The following ZNF367 variants were observed in gnomAD, a reference collection of about 807,000 sequenced individuals.
ZNF367 encodes C2H2 zinc finger protein ZFF29.
In ZNF367, 11 loss-of-function variants were observed where a neutral mutation model predicts 31.8. The observed-to-expected ratio is 0.35, with a 90% CI of 0.22 to 0.57. The LOEUF is 0.57. Ranked by LOEUF, ZNF367 falls within the 20% of genes least tolerant of loss-of-function variation. The pLI is 0.85. For missense variants in ZNF367, 353 were observed against 484.1 expected, an observed-to-expected ratio of 0.73 and a Z score of 2.54; for synonymous variants, 199 against 202.4, an observed-to-expected ratio of 0.98 and a Z score of 0.14.
chr9:96,406,500 C>G (rs1831673029), intron 1 of ZNF367, among the ~76,000 whole-genome samples: 1 of 152,152 alleles, frequency 6.6e-6, no homozygotes, highest in Admixed American at 6.5e-5. Flanking sequence ...CATGAATATT[C>G]AAATTAGTTG....
Position 96,417,666 on chromosome 9 carries a change from AGGC to A in ZNF367, c.364_366del (p.Ala122del). ...GCTTCCTCCTCGTCCTCACCTCCCG[AGGC>A]GGCGGCGGAGGCCGAGGCGGCGGGC... On this transcript the variant is annotated inframe_deletion, in exon 1 of 5. Coordinates refer to ENST00000375256, the MANE Select transcript of ZNF367 (RefSeq NM_153695.4). This position sits in a 1 kb window ranked among gnomAD's most constrained non-coding sequence, Gnocchi z 5.0. 2.9e-6 allele frequency: 3 copies of A among 1,020,370 alleles called. No homozygotes were observed. Among genetic ancestry groups the A allele is most frequent in the Non-Finnish European group, 3.7e-6 (3 of 803,638 alleles). 63.2% of individuals were successfully genotyped at this position (1,020,370 alleles called of 1,614,324 possible). A position where few individuals can be genotyped will look rare whatever the true frequency, so the allele number is the denominator to read the frequency against.
intron 1 of ZNF367, among the ~76,000 whole-genome samples, chr9:96,416,469 ATTAT>A (rs769314025): frequency 1.3e-4 from 20 of 152,206 alleles, no homozygotes; most frequent in Non-Finnish European, 2.6e-4. Context: ...TAACCTTATA[ATTAT>A]TTAATAATAA....
Position 96,388,811 on chromosome 9 carries a change from T to C in ZNF367, c.831-352A>G, listed in dbSNP as rs192790798. ...ACAGTCTTTAGAAACTTATTTATCCTATCTACAGAGGGATGGTAACTTCTG... is the reference window on the plus strand; with the variant it reads ...ACAGTCTTTAGAAACTTATTTATCCCATCTACAGAGGGATGGTAACTTCTG... On this transcript the variant is annotated intron_variant, in intron 4 of 4. Transcript: ENST00000375256. Among the ~76,000 whole-genome samples, 44 of 152,354 alleles carry C rather than the reference T, an allele frequency of 2.9e-4. No homozygotes were observed. The East Asian group carries it at 7.9e-3, about 27-fold the overall frequency.
In ZNF367 at chr9:96,417,574, G is replaced by GC; in HGVS notation, c.420+38dup. The GC allele has an allele frequency of 2.6e-6, 1 of 377,548 alleles. No homozygotes were observed. The highest frequency in any genetic ancestry group is 4.5e-6 in the Non-Finnish European group (1 of 223,636). The allele number at this position is 377,548 out of a possible 1,614,324, so 23.4% of individuals were successfully genotyped here. On this transcript the variant is annotated intron_variant, in intron 1 of 4. Transcript: ENST00000375256. This position sits in a 1 kb window ranked among gnomAD's most constrained non-coding sequence, Gnocchi z 5.0. ...GCCGCACCGTTAACGGGCCCCGGCT[G>GC]CCCCACGTCCCGCCCGCCCGCCCGC... is the stretch of plus-strand genomic sequence containing the variant.
At chr9:96,399,135 T>C (rs911649691) in intron 1 of ZNF367, among the ~76,000 whole-genome samples, 1 of 152,232 alleles carries the variant, frequency 6.6e-6, no homozygotes, top group South Asian at 2.1e-4. Context: ...TAGAAAGTCA[T>C]GCATATATGC....
intron 1 of ZNF367, among the ~76,000 whole-genome samples, chr9:96,408,218 A>G (rs1831697396): frequency 6.6e-6 from 1 of 152,050 alleles, no homozygotes; most frequent in African/African-American, 2.4e-5. Context: ...TAATAAATAA[A>G]TAAATAATAA....
intron 1 of ZNF367, chr9:96,407,189 C>A (rs1172756466): frequency 7.2e-6 from 5 of 694,394 alleles, no homozygotes; most frequent in African/African-American, 5.4e-5. Flanking sequence ...CCTGTCCCGG[C>A]CTGCGTGGCG....
intron 4 of ZNF367, among the ~76,000 whole-genome samples, chr9:96,389,069 A>G (rs1045417000): frequency 2.0e-5 from 3 of 152,162 alleles, no homozygotes; most frequent in Non-Finnish European, 4.4e-5. Flanking sequence ...GAGGCAAGGC[A>G]GGCAGATCAC....
chr9:96,393,900 T>A (rs965319872), intron 3 of ZNF367, among the ~76,000 whole-genome samples: 1 of 152,222 alleles, frequency 6.6e-6, no homozygotes, highest in African/African-American at 2.4e-5. Context: ...TTAAGCAAAC[T>A]TGCTGGATGA....
At chr9:96,406,976 T>G (rs1242261099) in intron 1 of ZNF367, among the ~76,000 whole-genome samples, 1 of 118,914 alleles carries the variant, frequency 8.4e-6, no homozygotes, top group Non-Finnish European at 1.6e-5. Flanking sequence ...CACTCCAGCC[T>G]GGGTGACAGA....
At chr9:96,416,935 G>A (rs927900428) in intron 1 of ZNF367, among the ~76,000 whole-genome samples, 17 of 152,100 alleles carry the variant, frequency 1.1e-4, no homozygotes, top group African/African-American at 4.1e-4. Flanking sequence ...TGCCATCGTG[G>A]GAAGGTCGCC....
rs1831416161 is a variant in ZNF367, at chr9:96,387,184, ATAGC to A, written c.*1049_*1052del. The A allele has an allele frequency of 6.6e-6, 1 of 152,218 alleles. No individual in the cohort carries two copies. Among genetic ancestry groups the A allele is most frequent in the Non-Finnish European group, 1.5e-5 (1 of 68,020 alleles). 9.4% of individuals were successfully genotyped at this position (152,218 alleles called of 1,614,324 possible). On this transcript the variant is annotated 3_prime_UTR_variant, in exon 5 of 5. Transcript: ENST00000375256. ...TAATATTTTCTGCAGTGTTTAACTG[ATAGC>A]TAAATTTAGTGAACACAAAATAGCT...
Position 96,417,835 on chromosome 9 carries a change from G to A in ZNF367, c.198C>T (p.Phe66=), listed in dbSNP as rs746257910. Residue 66 remains phenylalanine, a synonymous_variant, in exon 1 of 5, where the codon TTC becomes TTT. Coordinates refer to ENST00000375256, the MANE Select transcript of ZNF367 (RefSeq NM_153695.4). The surrounding 1 kb of genome is among the most constrained non-coding windows in gnomAD (Gnocchi z 5.0). Reference sequence around the variant, plus strand: ...CGCCCCAGCGCCACGGGTACACCATGAAGTCGCTGAAGCCGGGGCTGGTGG... The same window carrying A: ...CGCCCCAGCGCCACGGGTACACCATAAAGTCGCTGAAGCCGGGGCTGGTGG... ...LIPTSPGFSD[F]MVYPWRWGEN... 1 of 1,490,374 alleles carries A rather than the reference G, an allele frequency of 6.7e-7. No homozygotes were observed. Among genetic ancestry groups the A allele is most frequent in the Non-Finnish European group, 8.9e-7 (1 of 1,128,620 alleles). 92.3% of individuals were successfully genotyped at this position (1,490,374 alleles called of 1,614,324 possible).
At position 96,386,688 on chromosome 9, in the gene ZNF367, G is replaced by GT. The variant is rs1289756479; in HGVS notation, c.*1548dup. 1 of 151,954 alleles carries GT rather than the reference G, an allele frequency of 6.6e-6. No individual in the cohort carries two copies. Among genetic ancestry groups the GT allele is most frequent in the Non-Finnish European group, 1.5e-5 (1 of 67,982 alleles). 9.4% of individuals were successfully genotyped at this position (151,954 alleles called of 1,614,324 possible). ...ATCATACACATTATTCGTAACTATC[G>GT]TATCTTCTTTCATACTTTTTCTCCT... On this transcript the variant is annotated 3_prime_UTR_variant, in exon 5 of 5. Transcript: ENST00000375256.
intron 1 of ZNF367, among the ~76,000 whole-genome samples, chr9:96,403,151 G>A (rs2131077129): frequency 6.6e-6 from 1 of 152,142 alleles, no homozygotes; most frequent in South Asian, 2.1e-4. Flanking sequence ...TGTATTTTTA[G>A]TAGAGACATG....
intron 2 of ZNF367, among the ~76,000 whole-genome samples, chr9:96,395,695 TCCTATCTA>T (rs1344505293): frequency 2.0e-5 from 3 of 152,156 alleles, no homozygotes; most frequent in Non-Finnish European, 4.4e-5. Flanking sequence ...ACTGAATTCT[TCCTATCTA>T]CCTCCAAATA....
intron 1 of ZNF367, among the ~76,000 whole-genome samples, chr9:96,398,686 C>A (rs1238095951): frequency 1.3e-5 from 2 of 152,136 alleles, no homozygotes; most frequent in African/African-American, 4.8e-5. Context: ...ACTCAGCAAA[C>A]TGAATAAAAA....
At chr9:96,416,310 T>A (rs1239030431) in intron 1 of ZNF367, among the ~76,000 whole-genome samples, 1 of 151,562 alleles carries the variant, frequency 6.6e-6, no homozygotes, top group Non-Finnish European at 1.5e-5. Context: ...ATGGTCTTGA[T>A]CTCCTGACCT....
chr9:96,405,314 C>CAAAAA (rs975848691), intron 1 of ZNF367, among the ~76,000 whole-genome samples: 1 of 55,124 alleles, frequency 1.8e-5, no homozygotes, highest in African/African-American at 6.7e-5. Context: ...AACTCTGTCT[C>CAAAAA]AAAAAAAAAA....
Sources: gnomAD v4.1 joint callset for allele counts (sites outside exome capture counted in the v4.1 genomes callset) on GRCh38, gnomAD v4.1.1 for gene constraint, Gnocchi (gnomAD v3.1) non-coding constraint, MANE v1.5 for transcripts, NCBI Gene and HGNC (gene_info 2026-07-23, HGNC 2026-07-21) for gene names.